The following TACC3 variants were observed in gnomAD, a reference collection of about 807,000 sequenced individuals.
TACC3 encodes transforming acidic coiled-coil-containing protein 3.
In TACC3, 52 loss-of-function variants were observed where a neutral mutation model predicts 86.0. The ratio of observed to expected loss-of-function variants is 0.60; its 90% CI spans 0.48 to 0.76. TACC3 has a LOEUF of 0.76. Ranked by LOEUF, TACC3 falls within the 30% of genes least tolerant of loss-of-function variation. The probability of loss-of-function intolerance (pLI) is 0.00; values close to 1 mark genes in which losing one functional copy is unlikely to be tolerated. For missense variants in TACC3, 1,120 were observed against 1,070.4 expected, an observed-to-expected ratio of 1.05 and a Z score of -0.65; for synonymous variants, 512 against 430.0, an observed-to-expected ratio of 1.19 and a Z score of -2.36.
chr4:1,739,861 C>T lies in TACC3; in HGVS notation c.2018+83C>T, dbSNP rs551115230. 1.0e-3 allele frequency: 1,648 copies of T among 1,573,688 alleles called. 19 individuals are homozygous for T. In the South Asian group the frequency reaches 0.011, roughly 10 times the overall value. ...CCATCCCCCTCGCCATCCTTGTCCC[C>T]ATCCCCCTCGCCATCCCTGTCCCCG... On this transcript the variant is annotated intron_variant, in intron 11 of 15. Transcript: ENST00000313288.
intron 3 of TACC3, among the ~76,000 whole-genome samples, chr4:1,725,273 G>T (rs553859971): frequency 1.3e-5 from 2 of 152,090 alleles, no homozygotes; most frequent in Non-Finnish European, 2.9e-5. Flanking sequence ...GCAGAGAAAA[G>T]CATAAGGAAC....
intron 3 of TACC3, among the ~76,000 whole-genome samples, chr4:1,725,572 C>G (rs1717644028): frequency 6.6e-6 from 1 of 152,240 alleles, no homozygotes; most frequent in African/African-American, 2.4e-5. Context: ...TGGGTGTGAT[C>G]CGTCCCAGAG....
intron 3 of TACC3, among the ~76,000 whole-genome samples, chr4:1,726,994 G>A (rs554702964): frequency 3.3e-5 from 5 of 152,120 alleles, no homozygotes; most frequent in Non-Finnish European, 7.4e-5. Context: ...AGCCAGACAT[G>A]GTGGCGGGCA....
chr4:1,730,745 C>T (rs1477848113), intron 4 of TACC3, 142 bp from the exon 5 acceptor site: 3 of 994,944 alleles, frequency 3.0e-6, no homozygotes, highest in Admixed American at 3.7e-5. Context: ...TGGGACAGCC[C>T]CATGCCTGGC....
intron 3 of TACC3, among the ~76,000 whole-genome samples, chr4:1,725,337 A>G (rs1717633719): frequency 6.6e-6 from 1 of 152,200 alleles, no homozygotes; most frequent in Admixed American, 6.5e-5. Flanking sequence ...CAGTAAGTGC[A>G]GGCAGCATTT....
chr4:1,732,188 CGT>C (rs1718035600), intron 6 of TACC3, among the ~76,000 whole-genome samples: 1 of 147,972 alleles, frequency 6.8e-6, no homozygotes. Flanking sequence ...ACGGCTTGTC[CGT>C]AAGATTGGAG....
In TACC3 at chr4:1,728,455, AC is replaced by A. The variant is rs767977087; in HGVS notation, c.1058del (p.Pro353HisfsTer15). ...VSDGATSKRAPPPRRLGERSG... is the reference protein window; with the variant it reads ...VSDGATSKRAXPPRRLGERSG... ...CTGATGGCGCCACCAGCAAAAGGGC[AC>A]CCCCACCAAGGAGACTGGGAGAGAG... On this transcript the variant is annotated frameshift_variant, in exon 4 of 16. Coordinates refer to ENST00000313288, the MANE Select transcript of TACC3 (RefSeq NM_006342.3). LOFTEE classifies it high-confidence loss of function. 1.2e-6 allele frequency: 2 copies of A among 1,613,626 alleles called. No homozygotes were observed. The highest frequency in any genetic ancestry group is 2.7e-5 in the African/African-American group (2 of 74,990).
intron 12 of TACC3, chr4:1,740,302 A>C: frequency 5.8e-6 from 3 of 514,582 alleles, no homozygotes; most frequent in Non-Finnish European, 7.0e-6. Context: ...GGCCTACCCC[A>C]CTCCACCCTG....
intron 12 of TACC3, 72 bp downstream of exon 12, chr4:1,740,074 G>A (rs1419348074): frequency 6.6e-7 from 1 of 1,525,406 alleles, no homozygotes; most frequent in Non-Finnish European, 9.1e-7. Context: ...GCCCTGCCCT[G>A]CACCCTGCCT....
chr4:1,731,031 G>T, intron 5 of TACC3, 69 bp downstream of exon 5: 1 of 1,598,650 alleles, frequency 6.3e-7, no homozygotes, highest in South Asian at 1.1e-5. Context: ...GGCAGTGGAA[G>T]CCCCCAGCAG....
chr4:1,730,592 G>C, intron 4 of TACC3: 1 of 558,794 alleles, frequency 1.8e-6, no homozygotes, highest in Admixed American at 2.2e-5. Flanking sequence ...CACAGTAAAA[G>C]GGATGTACTC....
intron 3 of TACC3, among the ~76,000 whole-genome samples, chr4:1,726,048 C>T (rs1459649266): frequency 6.6e-6 from 1 of 152,262 alleles, no homozygotes; most frequent in African/African-American, 2.4e-5. Flanking sequence ...TGCGTCTTCT[C>T]AGGGACCTGA....
intron 3 of TACC3, among the ~76,000 whole-genome samples, chr4:1,727,505 C>A (rs910755079): frequency 5.9e-5 from 9 of 152,186 alleles, no homozygotes; most frequent in African/African-American, 2.2e-4. Flanking sequence ...TCCAGCCGTT[C>A]CACCGGGAGC....
At chr4:1,721,679 G>C in intron 1 of TACC3, 36 bp downstream of exon 1, 1 of 151,876 alleles carries the variant, frequency 6.6e-6, no homozygotes, top group Non-Finnish European at 1.5e-5. Context: ...GGAGGCTGGG[G>C]TCCTGGGGGC....
At chr4:1,730,851 G>A (rs746552350) in intron 4 of TACC3, 36 bp from the exon 5 acceptor site, 1 of 1,560,370 alleles carries the variant, frequency 6.4e-7, no homozygotes, top group Non-Finnish European at 8.7e-7. Context: ...GTTATGGGGT[G>A]GGGGGCATGG....
In TACC3 at chr4:1,734,127, A is replaced by G. The variant is rs1192538421; in HGVS notation, c.1592-1146A>G. Reference sequence around the variant, plus strand: ...ACTGCTAGGCATGAAGAAAGGGACAAAACTAGAGATGCCTCAGCCTGGATC... The same window carrying G: ...ACTGCTAGGCATGAAGAAAGGGACAGAACTAGAGATGCCTCAGCCTGGATC... On this transcript the variant is annotated intron_variant, in intron 6 of 15. Coordinates refer to ENST00000313288, the MANE Select transcript of TACC3 (RefSeq NM_006342.3). 3.2e-4 allele frequency among the ~76,000 whole-genome samples: 48 copies of G among 152,226 alleles called. 1 individual carries two copies. The highest frequency in any genetic ancestry group is 3.1e-3 in the Admixed American group (48 of 15,282).
intron 13 of TACC3, among the ~76,000 whole-genome samples, chr4:1,742,566 C>T (rs1015286615): frequency 5.3e-5 from 8 of 152,320 alleles, no homozygotes; most frequent in East Asian, 3.9e-4. Flanking sequence ...TTCGGGAGAC[C>T]GAGACGGGTG....
chr4:1,735,599 TTGTGGGTGACCGGGGGTGGGAGTG>T lies in TACC3; in HGVS notation c.1645-129_1645-106del. 1 of 808,126 alleles carries T rather than the reference TTGTGGGTGACCGGGGGTGGGAGTG, an allele frequency of 1.2e-6. No individual in the cohort carries two copies. The highest frequency in any genetic ancestry group is 2.1e-6 in the Non-Finnish European group (1 of 472,582). The allele number at this position is 808,126 out of a possible 1,614,324, so 50.1% of individuals were successfully genotyped here. ...GGGAATGGTGGTGTCTCGGGCAGGGTTGTGGGTGACCGGGGGTGGGAGTGTGCGGGTGACCGGGGGTGGGAGTGT... is the reference window on the plus strand; with the variant it reads ...GGGAATGGTGGTGTCTCGGGCAGGGTTGCGGGTGACCGGGGGTGGGAGTGT... On this transcript the variant is annotated intron_variant, in intron 7 of 15. Coordinates refer to ENST00000313288, the MANE Select transcript of TACC3 (RefSeq NM_006342.3). The surrounding 1 kb of genome is among the most constrained non-coding windows in gnomAD (Gnocchi z 4.2).
intron 10 of TACC3, among the ~76,000 whole-genome samples, chr4:1,739,125 G>T (rs557087907): frequency 1.3e-5 from 2 of 152,084 alleles, no homozygotes; most frequent in Admixed American, 1.3e-4. Context: ...TGGCTAACAC[G>T]GTGAAACCCT....
Sources: allele counts gnomAD v4.1 joint callset (sites outside exome capture counted in the v4.1 genomes callset), GRCh38; gene constraint gnomAD v4.1.1; non-coding constraint Gnocchi (gnomAD v3.1); transcripts MANE v1.5; gene names NCBI Gene and HGNC (gene_info 2026-07-23, HGNC 2026-07-21).